Variants in SRPK2 observed in about 807,000 individuals in gnomAD.
SRPK2 encodes SFRS protein kinase 2.
A neutral mutation model predicts 90.8 loss-of-function variants in SRPK2; 21 were observed. That is an observed-to-expected ratio of 0.23 (90% CI 0.16 to 0.33). SRPK2 has a LOEUF of 0.33. Among genes scored for constraint, SRPK2 ranks in the 10% least tolerant of loss-of-function variants. The pLI, the probability that SRPK2 is intolerant of heterozygous loss-of-function variation, is 1.00. For missense variants in SRPK2, 620 were observed against 869.0 expected (o/e 0.71, Z 3.60); for synonymous variants, 288 against 311.1 (o/e 0.93, Z 0.78).
At chr7:105,190,053 C>T (rs1794083620) in intron 3 of SRPK2, among the ~76,000 whole-genome samples, 1 of 152,138 alleles carries the variant, frequency 6.6e-6, no homozygotes, top group African/African-American at 2.4e-5. Context: ...CCACAGCATT[C>T]TCTTAGTGGG....
chr7:105,189,412 C>A, intron 3 of SRPK2: 1 of 162,110 alleles, frequency 6.2e-6, no homozygotes, highest in South Asian at 1.6e-4. Flanking sequence ...GCTGCTGCAT[C>A]AACAGTAGGT....
intron 2 of SRPK2, among the ~76,000 whole-genome samples, chr7:105,313,915 CAACT>C (rs1812018735): frequency 6.6e-6 from 1 of 151,950 alleles, no homozygotes; most frequent in South Asian, 2.1e-4. Flanking sequence ...AATGAAAAAA[CAACT>C]AATTAATATA....
At chr7:105,206,127 G>A (rs1008444611) in intron 2 of SRPK2, among the ~76,000 whole-genome samples, 1 of 152,090 alleles carries the variant, frequency 6.6e-6, no homozygotes, top group Non-Finnish European at 1.5e-5. Context: ...GCCACTATAT[G>A]TCAGTAGCAC....
At chr7:105,247,531 A>ACACACACACACAC (rs1801851645) in intron 2 of SRPK2, among the ~76,000 whole-genome samples, 4 of 145,162 alleles carry the variant, frequency 2.8e-5, no homozygotes, top group Non-Finnish European at 4.5e-5. Flanking sequence ...CACACACATA[A>ACACACACACACAC]ACACACACAC....
chr7:105,366,767 A>C (rs796862540), intron 2 of SRPK2, among the ~76,000 whole-genome samples: 22 of 152,358 alleles, frequency 1.4e-4, no homozygotes, highest in African/African-American at 5.3e-4. Flanking sequence ...ATTTTCATGC[A>C]TGCTGGTATA....
intron 2 of SRPK2, among the ~76,000 whole-genome samples, chr7:105,368,800 G>A (rs1284127685): frequency 6.6e-6 from 1 of 150,520 alleles, no homozygotes; most frequent in Admixed American, 6.7e-5. Context: ...CATGAGAATC[G>A]CTTGAACCCG....
At chr7:105,215,425 A>C (rs557957223) in intron 2 of SRPK2, among the ~76,000 whole-genome samples, 1 of 152,240 alleles carries the variant, frequency 6.6e-6, no homozygotes, top group African/African-American at 2.4e-5. Context: ...CAGTTTGGAC[A>C]ACAGTCTAGC....
At chr7:105,268,710 T>C in intron 2 of SRPK2, 1 of 1,400,102 alleles carries the variant, frequency 7.1e-7, no homozygotes, top group Non-Finnish European at 9.9e-7. Flanking sequence ...GGACAATACG[T>C]TATATAGCAA....
chr7:105,311,418 G>A (rs1245633338), intron 2 of SRPK2, among the ~76,000 whole-genome samples: 1 of 152,120 alleles, frequency 6.6e-6, no homozygotes, highest in Non-Finnish European at 1.5e-5. Flanking sequence ...ATTTTTAGTA[G>A]AGACAGGTTT....
intron 2 of SRPK2, among the ~76,000 whole-genome samples, chr7:105,291,040 G>A (rs1808924449): frequency 1.8e-5 from 1 of 56,194 alleles, no homozygotes; most frequent in Non-Finnish European, 3.7e-5. Context: ...GCGAGACTCC[G>A]TCTCAAAAAA....
chr7:105,363,004 A>G (rs1193973741), intron 2 of SRPK2, among the ~76,000 whole-genome samples: 1 of 151,524 alleles, frequency 6.6e-6, no homozygotes, highest in African/African-American at 2.4e-5. Context: ...ACTTGGACAC[A>G]GGATGGGGAA....
At chr7:105,210,857 G>C (rs1346348296) in intron 2 of SRPK2, among the ~76,000 whole-genome samples, 1 of 152,190 alleles carries the variant, frequency 6.6e-6, no homozygotes, top group East Asian at 1.9e-4. Flanking sequence ...GCCACAGAGA[G>C]CAAAGAACTG....
intron 13 of SRPK2, 71 bp from the exon 14 acceptor site, chr7:105,127,133 T>C: frequency 6.9e-7 from 1 of 1,447,698 alleles, no homozygotes; most frequent in Non-Finnish European, 9.7e-7. Flanking sequence ...TTTCTCCTTA[T>C]AGAAGAGACC....
intron 7 of SRPK2, among the ~76,000 whole-genome samples, chr7:105,159,466 A>AAAAAAAAAAAAAAAC (rs1316365933): frequency 2.5e-4 from 29 of 114,280 alleles, no homozygotes; most frequent in African/African-American, 6.0e-4. Context: ...AAAAAAAAAA[A>AAAAAAAAAAAAAAAC]AAAAAAACCG....
intron 7 of SRPK2, among the ~76,000 whole-genome samples, chr7:105,149,126 C>T (rs1483703899): frequency 5.3e-5 from 8 of 152,118 alleles, no homozygotes; most frequent in African/African-American, 1.7e-4. Flanking sequence ...AGAGGAAAGC[C>T]TCTTGCAGTT....
chr7:105,179,637 C>T (rs760710481), intron 3 of SRPK2, among the ~76,000 whole-genome samples: 25 of 151,866 alleles, frequency 1.6e-4, no homozygotes, highest in Non-Finnish European at 3.4e-4. Flanking sequence ...CCAGCCTGGC[C>T]ATCATGGTGA....
intron 2 of SRPK2, among the ~76,000 whole-genome samples, chr7:105,369,218 C>G (rs1168414029): frequency 6.6e-6 from 1 of 151,854 alleles, no homozygotes. Context: ...ACAATCTCAG[C>G]TCACTGCCAC....
rs1398761190 is a variant in SRPK2 at position 105,247,515 on chromosome 7, AACACACACACACAT to A, written c.72-43744_72-43731del. Among the ~76,000 whole-genome samples, 7 of 92,580 alleles carry A rather than the reference AACACACACACACAT, an allele frequency of 7.6e-5. No individual in the cohort carries two copies. In the East Asian group the frequency reaches 1.3e-3, roughly 17 times the overall value. 60.7% of individuals were successfully genotyped at this position (92,580 alleles called of 152,430 possible). A position where few individuals can be genotyped will look rare whatever the true frequency, so the allele number is the denominator to read the frequency against. On this transcript the variant is annotated intron_variant, in intron 2 of 15. Coordinates refer to ENST00000393651, the MANE Select transcript of SRPK2 (RefSeq NM_182692.3). ...CACCGGAGTGCCATACATACCAAAAAACACACACACACATAAACACACACACACACACACACACA... is the reference window on the plus strand; with the variant it reads ...CACCGGAGTGCCATACATACCAAAAAAAACACACACACACACACACACACA...
In SRPK2 at chr7:105,334,443, C is replaced by G. The variant is rs1275376072; in HGVS notation, c.71+54205G>C. On this transcript the variant is annotated intron_variant, in intron 2 of 15. Transcript: ENST00000393651. ...TTCACCATGTTGGCCAGGCTGGTCT[C>G]GAACTCCGACCTCATGATCCACCCG... Among the ~76,000 whole-genome samples the G allele has an allele frequency of 2.0e-5, 3 of 149,206 alleles. No homozygotes were observed. In the South Asian group the frequency reaches 6.9e-4, roughly 34 times the overall value.
Sources: gnomAD v4.1 joint callset for allele counts (sites outside exome capture counted in the v4.1 genomes callset) on GRCh38, gnomAD v4.1.1 for gene constraint, MANE v1.5 for transcripts, NCBI Gene and HGNC (gene_info 2026-07-23, HGNC 2026-07-21) for gene names.